USP32: variants seen among roughly 807,000 people sequenced by gnomAD.
USP32 encodes ubiquitin specific peptidase 32, also known as ubiquitin carboxyl-terminal hydrolase 32.
USP32 carries 59 observed loss-of-function variants against 204.8 expected under a neutral mutation model. The observed-to-expected ratio is 0.29, with a 90% CI of 0.23 to 0.36. USP32 has a LOEUF of 0.36. USP32 is among the 10% of genes least tolerant of loss of function. The pLI, the probability that USP32 is intolerant of heterozygous loss-of-function variation, is 1.00. For missense variants in USP32, 1,160 were observed against 1,946.4 expected (o/e 0.60, Z 7.60); for synonymous variants, 517 against 678.4 (o/e 0.76, Z 3.70).
chr17:60,221,454 T>C (rs1466824933), intron 15 of USP32, among the ~76,000 whole-genome samples: 1 of 152,092 alleles, frequency 6.6e-6, no homozygotes, highest in Non-Finnish European at 1.5e-5. Flanking sequence ...TACAAAACCT[T>C]CCTGGCATAA....
chr17:60,232,492 T>A (rs1046426924), intron 12 of USP32, among the ~76,000 whole-genome samples: 215 of 150,928 alleles, frequency 1.4e-3, no homozygotes, highest in African/African-American at 4.9e-3. Flanking sequence ...TTTTTTTTTT[T>A]TTTTAAACAA....
At chr17:60,256,654 A>T (rs564844026) in intron 9 of USP32, 3 of 1,042,832 alleles carry the variant, frequency 2.9e-6, no homozygotes, top group African/African-American at 3.4e-5. Context: ...AGGAGTGTCT[A>T]AATTGTCCCA....
chr17:60,381,220 C>A (rs2089641239), intron 1 of USP32, among the ~76,000 whole-genome samples: 1 of 152,042 alleles, frequency 6.6e-6, no homozygotes, highest in South Asian at 2.1e-4. Context: ...CAGAAGATTG[C>A]CTGAGTTCAG....
At chr17:60,360,924 T>C (rs1458026778) in intron 1 of USP32, among the ~76,000 whole-genome samples, 1 of 151,490 alleles carries the variant, frequency 6.6e-6, no homozygotes, top group Non-Finnish European at 1.5e-5. Flanking sequence ...AAGTCAGGAG[T>C]TCGAGACCAG....
At chr17:60,401,723 AAAG>A (rs990955180) in intron 1 of USP32, among the ~76,000 whole-genome samples, 13 of 151,996 alleles carry the variant, frequency 8.6e-5, no homozygotes, top group Non-Finnish European at 1.8e-4. Context: ...TCTATAAAAA[AAAG>A]AAAAAAAAAA....
intron 13 of USP32, among the ~76,000 whole-genome samples, chr17:60,224,301 T>C (rs1567781217): frequency 6.6e-6 from 1 of 152,180 alleles, no homozygotes; most frequent in Non-Finnish European, 1.5e-5. Flanking sequence ...AAACAGGATC[T>C]TTAGATGGGG....
At chr17:60,421,116 G>C (rs746813689) in intron 1 of USP32, 1 of 153,554 alleles carries the variant, frequency 6.5e-6, no homozygotes, top group African/African-American at 2.4e-5. Flanking sequence ...GTATGTAAAG[G>C]TTCCTTTCCC....
chr17:60,300,372 A>AAC (rs149157181), intron 3 of USP32, among the ~76,000 whole-genome samples: 6,924 of 152,174 alleles, frequency 0.046, 561 homozygotes, highest in African/African-American at 0.16. Context: ...TATCCCACGA[A>AAC]ACAGACGGAC....
intron 12 of USP32, among the ~76,000 whole-genome samples, chr17:60,235,560 A>G (rs2085700969): frequency 6.6e-6 from 1 of 152,246 alleles, no homozygotes. Flanking sequence ...GTTAGTGATC[A>G]TTTGGCAATG....
chr17:60,251,732 C>T (rs1296685632), intron 11 of USP32, among the ~76,000 whole-genome samples: 2 of 151,980 alleles, frequency 1.3e-5, no homozygotes, highest in South Asian at 4.2e-4. Context: ...AGTAATTTAT[C>T]CTAAAGTAAA....
rs1314583368 is a variant in USP32, at chr17:60,190,806, G to A, written c.3522-123C>T. The A allele has an allele frequency of 1.1e-5, 15 of 1,369,238 alleles. No individual in the cohort carries two copies. In the Admixed American group the frequency reaches 4.0e-4, roughly 37 times the overall value. 84.8% of individuals were successfully genotyped at this position (1,369,238 alleles called of 1,614,324 possible). A position where few individuals can be genotyped will look rare whatever the true frequency, so the allele number is the denominator to read the frequency against. Reference sequence around the variant, plus strand: ...CCTCTTGGGCCTCACAATTTGTCATGGGCTTCTAACTTCAGACTCTGATAA... The same window carrying A: ...CCTCTTGGGCCTCACAATTTGTCATAGGCTTCTAACTTCAGACTCTGATAA... On this transcript the variant is annotated intron_variant, in intron 28 of 33. Transcript: ENST00000300896.
rs768633869 is a variant in USP32, at chr17:60,183,351, C to G, written c.3937G>C (p.Val1313Leu). 27 of 1,613,218 alleles carry G rather than the reference C, an allele frequency of 1.7e-5. No homozygotes were observed. Among genetic ancestry groups the G allele is most frequent in the Non-Finnish European group, 2.2e-5 (26 of 1,179,698 alleles). ...TGGCAGAGAGCCGGGTCTCTTGGTA[C>G]CAAAAAAGCACTTGGATCAAAACTT... ...RESFDPSAFL[V>L]PRDPALCQHK... The change falls in exon 31 of 34, where the codon GTA becomes CTA. Residue 1313 changes from valine (V) to leucine (L), a missense_variant. Transcript: ENST00000300896.
chr17:60,262,120 G>T (rs2086467769), intron 9 of USP32, among the ~76,000 whole-genome samples: 1 of 152,118 alleles, frequency 6.6e-6, no homozygotes, highest in African/African-American at 2.4e-5. Context: ...GCTAAGCAAG[G>T]TATCATATGA....
chr17:60,309,558 C>T (rs2057464362), intron 2 of USP32, among the ~76,000 whole-genome samples: 1 of 151,968 alleles, frequency 6.6e-6, no homozygotes, highest in Admixed American at 6.6e-5. Context: ...GCCAAGACTG[C>T]ACTACTGCTC....
At chr17:60,230,682 C>A (rs2085523935) in intron 12 of USP32, among the ~76,000 whole-genome samples, 1 of 152,192 alleles carries the variant, frequency 6.6e-6, no homozygotes, top group Non-Finnish European at 1.5e-5. Context: ...TCTCACTGTT[C>A]TCCACTGCCT....
Position 60,179,232 on chromosome 17 carries a change from G to T in USP32, c.*23C>A. The T allele has an allele frequency of 6.2e-7, 1 of 1,608,256 alleles. No homozygotes were observed. The highest frequency in any genetic ancestry group is 8.5e-7 in the Non-Finnish European group (1 of 1,175,706). On this transcript the variant is annotated 3_prime_UTR_variant, in exon 34 of 34. Transcript: ENST00000300896. Reference sequence around the variant, plus strand: ...GAGTCATCTCCCTCACCGCCAAGCTGTCTAGCAGCCAGAGTGGTAGCTTTA... The same window carrying T: ...GAGTCATCTCCCTCACCGCCAAGCTTTCTAGCAGCCAGAGTGGTAGCTTTA...
intron 1 of USP32, chr17:60,421,850 G>A: frequency 1.0e-6 from 1 of 985,282 alleles, no homozygotes; most frequent in Non-Finnish European, 1.2e-6. Context: ...TGGTGGCTGC[G>A]CACACGAGGC....
intron 13 of USP32, 43 bp from the exon 14 acceptor site, chr17:60,223,629 T>G (rs2085312260): frequency 1.3e-6 from 2 of 1,543,494 alleles, no homozygotes; most frequent in East Asian, 4.5e-5. Flanking sequence ...TTTTAGTTAT[T>G]ATACATAAAC....
intron 11 of USP32, chr17:60,249,095 C>G (rs2086106346): frequency 6.6e-6 from 1 of 152,136 alleles, no homozygotes; most frequent in South Asian, 2.1e-4. Flanking sequence ...GCTTGGCCTT[C>G]TTGGGGTGAG....
Sources: allele counts gnomAD v4.1 joint callset (sites outside exome capture counted in the v4.1 genomes callset), GRCh38; gene constraint gnomAD v4.1.1; transcripts MANE v1.5; gene names NCBI Gene and HGNC (gene_info 2026-07-23, HGNC 2026-07-21).